Variants in ASIC2 observed in about 807,000 individuals in gnomAD.
ASIC2 encodes acid sensing ion channel subunit 2.
A neutral mutation model predicts 57.3 loss-of-function variants in ASIC2; 25 were observed. The ratio of observed to expected loss-of-function variants is 0.44; its 90% CI spans 0.32 to 0.61. The LOEUF is 0.61. ASIC2 is among the 20% of genes least tolerant of loss of function. ASIC2 has a pLI of 0.06. For missense variants in ASIC2, 641 were observed against 738.1 expected, an observed-to-expected ratio of 0.87 and a Z score of 1.52; for synonymous variants, 319 against 307.5, an observed-to-expected ratio of 1.04 and a Z score of -0.39.
At chr17:33,797,615 G>C (rs1258282804) in intron 1 of ASIC2, among the ~76,000 whole-genome samples, 1 of 152,038 alleles carries the variant, frequency 6.6e-6, no homozygotes, top group East Asian at 1.9e-4. Context: ...ATTATTGATG[G>C]GTTCATTCAC....
At chr17:33,908,308 T>TA (rs1555571342) in intron 1 of ASIC2, among the ~76,000 whole-genome samples, 1 of 152,210 alleles carries the variant, frequency 6.6e-6, no homozygotes, top group Non-Finnish European at 1.5e-5. Context: ...TAATTTGGAC[T>TA]AAAAAATTCC....
chr17:33,014,988 C>T (rs2091798372), intron 9 of ASIC2, among the ~76,000 whole-genome samples: 1 of 152,188 alleles, frequency 6.6e-6, no homozygotes, highest in Admixed American at 6.5e-5. Context: ...AAGCCGGAGC[C>T]TTAGGATCCA....
At chr17:33,730,730 G>T (rs1180812870) in intron 1 of ASIC2, among the ~76,000 whole-genome samples, 1 of 152,182 alleles carries the variant, frequency 6.6e-6, no homozygotes, top group Non-Finnish European at 1.5e-5. Flanking sequence ...AGTTCTCTGT[G>T]TCTCCAAAGT....
chr17:33,674,852 T>C (rs1048984880), intron 1 of ASIC2, among the ~76,000 whole-genome samples: 3 of 152,180 alleles, frequency 2.0e-5, no homozygotes, highest in Non-Finnish European at 2.9e-5. Context: ...AGGCCCTGCA[T>C]TTGTGGTCTG....
chr17:33,357,471 G>A (rs1050000779), intron 1 of ASIC2, among the ~76,000 whole-genome samples: 3 of 152,136 alleles, frequency 2.0e-5, no homozygotes, highest in Non-Finnish European at 2.9e-5. Context: ...TGAGCTCAGG[G>A]CAGTTGGGAC....
At chr17:33,934,010 A>G (rs990523164) in intron 1 of ASIC2, among the ~76,000 whole-genome samples, 1 of 152,204 alleles carries the variant, frequency 6.6e-6, no homozygotes, top group Non-Finnish European at 1.5e-5. Context: ...TCGGGTCAGC[A>G]GCGACTTTCT....
At chr17:34,125,085 C>T (rs1911739367) in intron 1 of ASIC2, among the ~76,000 whole-genome samples, 1 of 151,760 alleles carries the variant, frequency 6.6e-6, no homozygotes, top group African/African-American at 2.4e-5. Flanking sequence ...GACACCTCCT[C>T]CACAAAGCCT....
intron 1 of ASIC2, among the ~76,000 whole-genome samples, chr17:33,786,168 C>A (rs1181342385): frequency 6.6e-6 from 1 of 152,104 alleles, no homozygotes; most frequent in East Asian, 1.9e-4. Context: ...AGGCTGTGGG[C>A]AAACTTGTTT....
intron 1 of ASIC2, among the ~76,000 whole-genome samples, chr17:33,483,585 C>T (rs1388878449): frequency 1.3e-5 from 2 of 152,170 alleles, no homozygotes; most frequent in African/African-American, 4.8e-5. Flanking sequence ...GTCCCTGTTG[C>T]CTCCTCTGCA....
At chr17:33,179,329 A>AAAAT (rs1320989840) in intron 1 of ASIC2, among the ~76,000 whole-genome samples, 1 of 152,234 alleles carries the variant, frequency 6.6e-6, no homozygotes, top group Non-Finnish European at 1.5e-5. Flanking sequence ...CTGTTAAATT[A>AAAAT]AAATAAATAA....
At position 33,195,752 on chromosome 17, in the gene ASIC2, C is replaced by T. The variant is rs182897181; in HGVS notation, c.709-83685G>A. On this transcript the variant is annotated intron_variant, in intron 1 of 9. Transcript: ENST00000225823. ...AAATGGCTTGCCGAAGGTCATGCAG[C>T]TAGGAAGCAGGGTCATAGTTCTGGC... Among the ~76,000 whole-genome samples, 22 of 152,252 alleles carry T rather than the reference C, an allele frequency of 1.4e-4. No individual in the cohort carries two copies. In the East Asian group the frequency reaches 2.7e-3, roughly 19 times the overall value.
chr17:33,982,794 T>C (rs1479849781), intron 1 of ASIC2, among the ~76,000 whole-genome samples: 1 of 152,256 alleles, frequency 6.6e-6, no homozygotes. Context: ...CATTACTTGA[T>C]AGCTATGTGA....
At chr17:33,425,697 G>C (rs1567857191) in intron 1 of ASIC2, among the ~76,000 whole-genome samples, 2 of 152,168 alleles carry the variant, frequency 1.3e-5, no homozygotes, top group Non-Finnish European at 2.9e-5. Flanking sequence ...TAAATTATCT[G>C]TCTGGAAGGG....
intron 1 of ASIC2, among the ~76,000 whole-genome samples, chr17:33,641,151 T>C (rs1457448139): frequency 2.6e-5 from 4 of 152,128 alleles, no homozygotes; most frequent in African/African-American, 9.7e-5. Context: ...TCTGTTCCCT[T>C]GGGTGGCTTC....
At chr17:33,683,460 C>T (rs1454368222) in intron 1 of ASIC2, among the ~76,000 whole-genome samples, 1 of 152,208 alleles carries the variant, frequency 6.6e-6, no homozygotes, top group East Asian at 1.9e-4. Flanking sequence ...CAGCCTTGAC[C>T]TCCCTGGCTC....
intron 1 of ASIC2, among the ~76,000 whole-genome samples, chr17:33,684,069 C>A (rs1908100145): frequency 6.6e-6 from 1 of 152,192 alleles, no homozygotes; most frequent in African/African-American, 2.4e-5. Context: ...TAGTTCTTTA[C>A]ACAAATCTAG....
At chr17:33,084,520 T>C (rs1372296290) in intron 3 of ASIC2, among the ~76,000 whole-genome samples, 3 of 152,242 alleles carry the variant, frequency 2.0e-5, no homozygotes, top group Non-Finnish European at 4.4e-5. Context: ...AGCCCAACCC[T>C]GCTGCTCCCC....
At chr17:34,153,747 T>C (rs1322481508) in intron 1 of ASIC2, among the ~76,000 whole-genome samples, 3 of 152,174 alleles carry the variant, frequency 2.0e-5, no homozygotes, top group East Asian at 1.9e-4. Flanking sequence ...AGGTCACACA[T>C]AGAGGGCCAG....
chr17:33,308,818 C>CT (rs1168795231), intron 1 of ASIC2, among the ~76,000 whole-genome samples: 11 of 151,584 alleles, frequency 7.3e-5, no homozygotes, highest in African/African-American at 2.2e-4. Flanking sequence ...GGTAAAGTGC[C>CT]TTTTTTTGTG....
Sources: gnomAD v4.1 joint callset for allele counts (sites outside exome capture counted in the v4.1 genomes callset) on GRCh38, gnomAD v4.1.1 for gene constraint, MANE v1.5 for transcripts, NCBI Gene and HGNC (gene_info 2026-07-23, HGNC 2026-07-21) for gene names.